AGL: variants seen among roughly 807,000 people sequenced by gnomAD.
AGL encodes the protein amylo-alpha-1,6-glucosidase and 4-alpha-glucanotransferase, also known as glycogen debranching enzyme.
A neutral mutation model predicts 199.3 loss-of-function variants in AGL; 128 were observed. The observed-to-expected ratio is 0.64, with a 90% confidence interval of 0.56 to 0.74. The LOEUF (loss-of-function observed/expected upper bound fraction) is 0.74. AGL is among the 30% of genes least tolerant of loss of function. AGL has a pLI of 0.00. For synonymous variants in AGL, 584 were observed against 594.7 expected (o/e 0.98, Z 0.26); for missense variants, 1,809 against 1,820.8 (o/e 0.99, Z 0.12).
chr1:99,856,934 C>T (rs1401163939), intron 2 of AGL, among the ~76,000 whole-genome samples: 3 of 152,254 alleles, frequency 2.0e-5, no homozygotes, highest in Non-Finnish European at 4.4e-5. Flanking sequence ...CATCATGGCC[C>T]GTTCTCAATG....
intron 5 of AGL, among the ~76,000 whole-genome samples, chr1:99,869,385 A>T (rs1316026227): frequency 1.3e-5 from 2 of 152,210 alleles, no homozygotes; most frequent in African/African-American, 4.8e-5. Context: ...AATGACTGAA[A>T]CTGGAAATAA....
At chr1:99,916,556 G>A in intron 32 of AGL, 42 bp from the exon 33 acceptor site, 1 of 1,607,314 alleles carries the variant, frequency 6.2e-7, no homozygotes, top group Non-Finnish European at 8.5e-7. Context: ...GTAATTTTTA[G>A]GTATTTATGG....
intron 4 of AGL, 136 bp from the exon 5 acceptor site, chr1:99,864,250 T>C: frequency 2.5e-6 from 2 of 784,612 alleles, no homozygotes; most frequent in Non-Finnish European, 4.3e-6. Context: ...AACCCAAGTG[T>C]TTGACCTCTT....
chr1:99,888,019 T>G lies in AGL; in HGVS notation c.2723T>G (p.Leu908Arg), dbSNP rs772347559. The change falls in exon 21 of 34, where the codon CTT (leucine) becomes CGT (arginine). Residue 908 changes from leucine to arginine, a missense_variant. Transcript: ENST00000361915. ...RLTLAELNQI[L>R]YRCESEEKED... Reference sequence around the variant, plus strand: ...ACTTTGGCTGAGCTAAATCAGATCCTTTACCGATGTGAATCAGAAGAAAAG... The same window carrying G: ...ACTTTGGCTGAGCTAAATCAGATCCGTTACCGATGTGAATCAGAAGAAAAG... The G allele has an allele frequency of 4.3e-6, 7 of 1,613,440 alleles. No individual in the cohort carries two copies. The African/African-American group carries it at 9.3e-5, about 22-fold the overall frequency.
intron 28 of AGL, among the ~76,000 whole-genome samples, chr1:99,912,059 C>T (rs951038850): frequency 1.3e-5 from 2 of 152,148 alleles, no homozygotes; most frequent in Non-Finnish European, 2.9e-5. Context: ...TGCCTTCCCT[C>T]ACTTTCTCCA....
In AGL at chr1:99,913,660, A is replaced by T. The variant is rs897156043; in HGVS notation, c.4083A>T (p.Ile1361=). 1 of 1,614,150 alleles carries T rather than the reference A, an allele frequency of 6.2e-7. No homozygotes were observed. The highest frequency in any genetic ancestry group is 8.5e-7 in the Non-Finnish European group (1 of 1,180,000). ...KHPNLVHKRG[I]YKDSYGASSP... is the part of the protein sequence containing the mutation. The stretch of plus-strand genomic sequence containing the variant: ...CAAATCTGGTTCACAAACGTGGCAT[A>T]TACAAAGATAGTTATGGAGCTTCAA... Residue 1361 remains isoleucine (I), a synonymous_variant, in exon 30 of 34, where the codon ATA becomes ATT. Coordinates refer to ENST00000361915, the MANE Select transcript of AGL (RefSeq NM_000642.3).
chr1:99,880,473 C>A (rs1292744096), intron 13 of AGL, among the ~76,000 whole-genome samples, 159 bp from the exon 14 acceptor site: 7 of 152,158 alleles, frequency 4.6e-5, no homozygotes, highest in African/African-American at 9.7e-5. Flanking sequence ...ACTTTTTTGT[C>A]ACTTAAACTA....
At chr1:99,906,425 G>A (rs891452855) in intron 27 of AGL, among the ~76,000 whole-genome samples, 1 of 152,082 alleles carries the variant, frequency 6.6e-6, no homozygotes, top group African/African-American at 2.4e-5. Context: ...ATTTTCAAGT[G>A]TACAGTTCAG....
intron 25 of AGL, among the ~76,000 whole-genome samples, chr1:99,898,630 G>C (rs1018466677): frequency 6.6e-6 from 1 of 152,110 alleles, no homozygotes; most frequent in African/African-American, 2.4e-5. Flanking sequence ...CGCATGCTCA[G>C]TAAGCAGCCT....
At chr1:99,860,723 G>A (rs1649961934) in intron 2 of AGL, among the ~76,000 whole-genome samples, 1 of 152,192 alleles carries the variant, frequency 6.6e-6, no homozygotes, top group African/African-American at 2.4e-5. Flanking sequence ...GCAGTAGTGT[G>A]TTGGAGGTGC....
chr1:99,882,720 C>A (rs1652147496), intron 17 of AGL, among the ~76,000 whole-genome samples: 1 of 152,080 alleles, frequency 6.6e-6, no homozygotes, highest in Non-Finnish European at 1.5e-5. Context: ...TATTGTCTTA[C>A]TTACTATTAT....
At chr1:99,913,877 C>G (rs1654928765) in intron 30 of AGL, 139 bp downstream of exon 30, 1 of 832,818 alleles carries the variant, frequency 1.2e-6, no homozygotes, top group African/African-American at 1.7e-5. Flanking sequence ...AATAGTCTTT[C>G]CTAATTAATC....
intron 2 of AGL, chr1:99,852,558 T>TTTG: frequency 1.8e-5 from 11 of 603,430 alleles, no homozygotes; most frequent in South Asian, 5.8e-5. Context: ...TTTTTTTTTG[T>TTTG]AGAAACTGGG....
At chr1:99,874,451 ATTT>A (rs1401264890) in intron 7 of AGL, 10 of 417,380 alleles carry the variant, frequency 2.4e-5, no homozygotes, top group Non-Finnish European at 4.3e-5. Context: ...CTTTTATGTT[ATTT>A]TTGTCTCTGT....
In AGL at chr1:99,892,453, C is replaced by G; in HGVS notation, c.3105C>G (p.Thr1035=). Residue 1035 remains threonine (T), a synonymous_variant, in exon 24 of 34, where the codon ACC becomes ACG. Transcript: ENST00000361915. ...ACAGCTTTGTTCAGAATGGTTCAAC[C>G]TTTGTGAAACACCTTTCATTGGGTT... ...QMSSFVQNGS[T]FVKHLSLGSV... is the part of the protein sequence containing the mutation. 6.2e-7 allele frequency: 1 copy of G among 1,613,486 alleles called. No individual in the cohort carries two copies. The highest frequency in any genetic ancestry group is 1.1e-5 in the South Asian group (1 of 91,060).
At chr1:99,872,946 C>T (rs1175689817) in intron 7 of AGL, among the ~76,000 whole-genome samples, 1 of 152,058 alleles carries the variant, frequency 6.6e-6, no homozygotes, top group African/African-American at 2.4e-5. Context: ...TGAGTTGTCT[C>T]TTTTTTTATA....
rs548868652 is a variant in AGL at position 99,880,174 on chromosome 1, G to A, written c.1735+128G>A. On this transcript the variant is annotated intron_variant, in intron 13 of 33. Coordinates refer to ENST00000361915, the MANE Select transcript of AGL (RefSeq NM_000642.3). ...CAGTTAATGTTCTTCTAAATACTTT[G>A]TATGACATATTCTAATATAACTCAG... 30 of 1,374,602 alleles carry A rather than the reference G, an allele frequency of 2.2e-5. No individual in the cohort carries two copies. In the East Asian group the frequency reaches 5.4e-4, roughly 25 times the overall value. The allele number at this position is 1,374,602 out of a possible 1,614,324, so 85.2% of individuals were successfully genotyped here. A position where few individuals can be genotyped will look rare whatever the true frequency, so the allele number is the denominator to read the frequency against.
At chr1:99,889,053 T>C (rs967587710) in intron 21 of AGL, among the ~76,000 whole-genome samples, 11 of 150,932 alleles carry the variant, frequency 7.3e-5, no homozygotes, top group Non-Finnish European at 1.6e-4. Context: ...CATTGACTAG[T>C]TTTATAACCT....
At chr1:99,882,136 CAAAAAA>C (rs761262994) in intron 17 of AGL, among the ~76,000 whole-genome samples, 1 of 60,604 alleles carries the variant, frequency 1.7e-5, no homozygotes, top group Non-Finnish European at 3.5e-5. Flanking sequence ...GACCCTATCT[CAAAAAA>C]AAAAAAAAAA....
Sources: allele counts gnomAD v4.1 joint callset (sites outside exome capture counted in the v4.1 genomes callset), GRCh38; gene constraint gnomAD v4.1.1; transcripts MANE v1.5; gene names NCBI Gene and HGNC (gene_info 2026-07-23, HGNC 2026-07-21).